Variants in MPND observed in about 807,000 individuals in gnomAD.
The protein encoded by MPND is MPN domain-containing protein.
Under a neutral mutation model 59.2 loss-of-function variants are expected in MPND, and 56 were observed. The observed-to-expected ratio is 0.95, with a 90% confidence interval of 0.76 to 1.18. The LOEUF (loss-of-function observed/expected upper bound fraction) is 1.18. Among genes scored for constraint, MPND ranks in the 50% most tolerant of loss-of-function variants. The pLI is 0.00. For synonymous variants in MPND, 323 were observed against 291.9 expected (o/e 1.11, Z -1.09); for missense variants, 671 against 676.0 (o/e 0.99, Z 0.08).
chr19:4,350,783 G>A (rs1483646970), intron 3 of MPND, among the ~76,000 whole-genome samples: 4 of 152,048 alleles, frequency 2.6e-5, no homozygotes, highest in African/African-American at 9.7e-5. Flanking sequence ...GCCGGGCGAG[G>A]CTTGGGCTGG....
rs1246278008 is a variant in MPND at position 4,343,813 on chromosome 19, G to C, written c.113G>C (p.Gly38Ala). ...EDPERPNAGA[G>A]GGRSGGGGSS... is the part of the protein sequence containing the mutation. ...CCTGAGCGGCCGAATGCGGGAGCGGGCGGTGGACGCAGTGGCGGCGGCGGC... is the reference window on the plus strand; with the variant it reads ...CCTGAGCGGCCGAATGCGGGAGCGGCCGGTGGACGCAGTGGCGGCGGCGGC... Residue 38 changes from glycine (G) to alanine (A), a missense_variant, in exon 2 of 13, where the codon GGC becomes GCC. By Grantham distance (60) the Gly-to-Ala change is moderately conservative. Transcript: ENST00000599840. 1 of 1,209,560 alleles carries C rather than the reference G, an allele frequency of 8.3e-7. No homozygotes were observed. Among genetic ancestry groups the C allele is most frequent in the Non-Finnish European group, 1.0e-6 (1 of 974,032 alleles). 74.9% of individuals were successfully genotyped at this position (1,209,560 alleles called of 1,614,324 possible).
At chr19:4,352,769 C>G (rs779131987) in intron 3 of MPND, 128 bp from the exon 4 acceptor site, 18 of 899,562 alleles carry the variant, frequency 2.0e-5, no homozygotes, top group African/African-American at 6.9e-5. Context: ...TCCCTCCCTC[C>G]CTCTAGTGGT....
At position 4,355,137 on chromosome 19, in the gene MPND, CG is replaced by C; in HGVS notation, c.964del (p.Asp322ThrfsTer86). 6.2e-7 allele frequency: 1 copy of C among 1,613,534 alleles called. No homozygotes were observed. Among genetic ancestry groups the C allele is most frequent in the Non-Finnish European group, 8.5e-7 (1 of 1,180,002 alleles). ...GAGCCTTCCCTTGTCGGAGCCGGCTCGGGGACGCAGAGACTGCAGCTGCCAT... is the reference window on the plus strand; with the variant it reads ...GAGCCTTCCCTTGTCGGAGCCGGCTCGGGACGCAGAGACTGCAGCTGCCAT... ...LRAFPCRSRL[G>X]DAETAAAIEE... On this transcript the variant is annotated frameshift_variant, in exon 8 of 13. Transcript: ENST00000599840. LOFTEE classifies it high-confidence loss of function.
At chr19:4,347,555 T>C (rs1239079255) in intron 3 of MPND, among the ~76,000 whole-genome samples, 1 of 152,020 alleles carries the variant, frequency 6.6e-6, no homozygotes, top group Non-Finnish European at 1.5e-5. Context: ...AGATATGTTT[T>C]CATAAACTTT....
At chr19:4,353,255 T>G (rs367666320) in intron 4 of MPND, among the ~76,000 whole-genome samples, 5 of 152,272 alleles carry the variant, frequency 3.3e-5, no homozygotes, top group East Asian at 3.9e-4. Flanking sequence ...TGCTGGATTT[T>G]ATTTTATTTT....
intron 10 of MPND, 105 bp downstream of exon 10, chr19:4,357,690 G>A: frequency 8.4e-7 from 1 of 1,191,578 alleles, no homozygotes; most frequent in Non-Finnish European, 1.2e-6. Context: ...GAGAGTTGGG[G>A]CCCCAGTTTC....
chr19:4,354,894 T>C (rs1972399187), intron 6 of MPND, 55 bp from the exon 7 acceptor site: 2 of 1,500,494 alleles, frequency 1.3e-6, no homozygotes, highest in Non-Finnish European at 1.8e-6. Flanking sequence ...CTGGCTCCAG[T>C]GTTGGGGCAG....
At chr19:4,355,272 AC>A in intron 8 of MPND, 99 bp downstream of exon 8, 1 of 1,260,350 alleles carries the variant, frequency 7.9e-7, no homozygotes, top group Non-Finnish European at 1.1e-6. Flanking sequence ...TCACCCAGCA[AC>A]CGTGCAGGTG....
chr19:4,352,839 AGC>A, intron 3 of MPND, 56 bp from the exon 4 acceptor site: 1 of 1,228,634 alleles, frequency 8.1e-7, no homozygotes, highest in Non-Finnish European at 1.0e-6. Flanking sequence ...TTTAGCAGGG[AGC>A]GGGGGGGCAC....
chr19:4,346,717 T>A (rs988125942), intron 3 of MPND, among the ~76,000 whole-genome samples: 3 of 64,546 alleles, frequency 4.6e-5, no homozygotes, highest in Admixed American at 1.7e-4. Context: ...GCACTGGCCG[T>A]TTTTTTTTTC....
Position 4,345,755 on chromosome 19 carries a change from T to G in MPND, c.305T>G (p.Phe102Cys), listed in dbSNP as rs1312151615. 1 of 1,613,756 alleles carries G rather than the reference T, an allele frequency of 6.2e-7. No homozygotes were observed. Among genetic ancestry groups the G allele is most frequent in the Admixed American group, 1.7e-5 (1 of 60,018 alleles). ...TGACTGTCACTGCAGGGGAAGAAGT[T>G]CCTGGGCGACCTGCAGCCAGACGGA... ...VLSIYYLGKK[F>C]LGDLQPDGRI... Residue 102 changes from phenylalanine to cysteine, a missense_variant, in exon 3 of 13, where the codon TTC becomes TGC. Coordinates refer to ENST00000599840, the MANE Select transcript of MPND (RefSeq NM_001300862.2).
chr19:4,347,897 G>GTTTT (rs10668030), intron 3 of MPND: 8 of 158,888 alleles, frequency 5.0e-5, no homozygotes, highest in Middle Eastern at 2.9e-3. Flanking sequence ...GTTTTTTTTT[G>GTTTT]TTTTTTTTTT....
chr19:4,358,009 C>G (rs1457013236), intron 10 of MPND, 74 bp from the exon 11 acceptor site: 1 of 1,257,386 alleles, frequency 8.0e-7, no homozygotes, highest in South Asian at 1.3e-5. Context: ...CCAGCCCGGG[C>G]ACTGCCAATT....
intron 9 of MPND, 46 bp from the exon 10 acceptor site, chr19:4,357,469 C>G: frequency 6.2e-7 from 1 of 1,609,064 alleles, no homozygotes; most frequent in Non-Finnish European, 8.5e-7. Context: ...GGATGCTGGG[C>G]CAGCCGAGCC....
At chr19:4,358,023 C>A in intron 10 of MPND, 60 bp from the exon 11 acceptor site, 1 of 1,421,324 alleles carries the variant, frequency 7.0e-7, no homozygotes, top group Non-Finnish European at 9.7e-7. Flanking sequence ...GCCAATTGTC[C>A]CCAGCTGCCA....
intron 3 of MPND, chr19:4,348,254 C>CT (rs4003316): frequency 0.05 from 4,252 of 84,552 alleles, 43 homozygotes; most frequent in Admixed American, 0.061. Context: ...TTGCAAATTT[C>CT]TTTTTTTTTT....
intron 8 of MPND, 42 bp from the exon 9 acceptor site, chr19:4,357,211 G>A (rs200267200): frequency 2.3e-5 from 36 of 1,549,856 alleles, no homozygotes; most frequent in Middle Eastern, 4.3e-4. Context: ...CACTAGAGCC[G>A]TTCAGGCCCC....
intron 7 of MPND, 26 bp from the exon 8 acceptor site, chr19:4,355,070 CG>C: frequency 6.2e-7 from 1 of 1,613,332 alleles, no homozygotes; most frequent in Non-Finnish European, 8.5e-7. Flanking sequence ...ACCGGGGTCA[CG>C]GGGTCACAGC....
intron 12 of MPND, 151 bp from the exon 13 acceptor site, chr19:4,359,765 G>A (rs1256483037): frequency 2.0e-5 from 12 of 613,038 alleles, no homozygotes; most frequent in Non-Finnish European, 3.1e-5. Context: ...TGCCCCACTG[G>A]GTAAGCAGCA....
Sources: allele counts gnomAD v4.1 joint callset (sites outside exome capture counted in the v4.1 genomes callset), GRCh38; gene constraint gnomAD v4.1.1; transcripts MANE v1.5; gene names NCBI Gene and HGNC (gene_info 2026-07-23, HGNC 2026-07-21).